The following ADD2 variants were observed in gnomAD, a reference collection of about 807,000 sequenced individuals.
The protein encoded by ADD2 is adducin 2.
In ADD2, 23 loss-of-function variants were observed where a neutral mutation model predicts 83.0. That is an observed-to-expected ratio of 0.28 (90% CI 0.20 to 0.39). ADD2 has a LOEUF of 0.39. ADD2 is among the 10% of genes least tolerant of loss of function. The pLI, the probability that ADD2 is intolerant of heterozygous loss-of-function variation, is 1.00. For missense variants in ADD2, 758 were observed against 944.9 expected (o/e 0.80, Z 2.59); for synonymous variants, 375 against 375.4 (o/e 1.00, Z 0.01).
chr2:70,745,143 G>A (rs1172167200), intron 1 of ADD2, among the ~76,000 whole-genome samples: 3 of 151,994 alleles, frequency 2.0e-5, no homozygotes, highest in Admixed American at 1.3e-4. Context: ...AAAATTAGCC[G>A]GGCGTGGTGG....
intron 1 of ADD2, among the ~76,000 whole-genome samples, chr2:70,713,828 G>C (rs1323209612): frequency 6.6e-6 from 1 of 151,984 alleles, no homozygotes; most frequent in Non-Finnish European, 1.5e-5. Context: ...CCCTTCCTGA[G>C]ACCCCCAAAA....
In ADD2 at chr2:70,706,583, G is replaced by A; in HGVS notation, c.-34-141C>T. ...GGATGGTAGAGGCAGAGCCTGGGGAGGAGGGCAGGACGCCAGCAGCGGCCC... is the reference window on the plus strand; with the variant it reads ...GGATGGTAGAGGCAGAGCCTGGGGAAGAGGGCAGGACGCCAGCAGCGGCCC... On this transcript the variant is annotated intron_variant, in intron 2 of 15. Transcript: ENST00000264436. This position sits in a 1 kb window ranked among gnomAD's most constrained non-coding sequence, Gnocchi z 5.0. The A allele has an allele frequency of 7.9e-6, 6 of 760,776 alleles. No homozygotes were observed. The highest frequency in any genetic ancestry group is 1.2e-5 in the Non-Finnish European group (6 of 497,250). 47.1% of individuals were successfully genotyped at this position (760,776 alleles called of 1,614,324 possible).
chr2:70,692,547 C>T lies in ADD2; in HGVS notation c.561G>A (p.Lys187=). Reference sequence around the variant, plus strand: ...CCACCACCTCTCCCAGAATGTTCACCTTGATCTGCGCCAGGGAAGAAGAGA... The same window carrying T: ...CCACCACCTCTCCCAGAATGTTCACTTTGATCTGCGCCAGGGAAGAAGAGA... ...CSEVTASSLI[K]VNILGEVVEK... Residue 187 remains lysine, a synonymous_variant, in exon 7 of 16, where the codon AAG becomes AAA. Coordinates refer to ENST00000264436, the MANE Select transcript of ADD2 (RefSeq NM_001617.4). 3.1e-6 allele frequency: 5 copies of T among 1,603,156 alleles called. No homozygotes were observed. The highest frequency in any genetic ancestry group is 4.3e-6 in the Non-Finnish European group (5 of 1,175,290).
At chr2:70,723,691 G>T (rs1672842027) in intron 1 of ADD2, among the ~76,000 whole-genome samples, 1 of 152,134 alleles carries the variant, frequency 6.6e-6, no homozygotes. Context: ...TGGGTTACAG[G>T]TTTTTTCAGC....
chr2:70,760,190 A>G (rs868987544), intron 1 of ADD2, among the ~76,000 whole-genome samples: 1 of 152,234 alleles, frequency 6.6e-6, no homozygotes, highest in Non-Finnish European at 1.5e-5. Context: ...ATTTAGGTCC[A>G]TGGTGCCATC....
At chr2:70,732,287 T>G (rs185363262) in intron 1 of ADD2, among the ~76,000 whole-genome samples, 3 of 152,120 alleles carry the variant, frequency 2.0e-5, no homozygotes, top group African/African-American at 7.2e-5. Flanking sequence ...GCAACACTCC[T>G]TCCTAAAGCT....
intron 1 of ADD2, among the ~76,000 whole-genome samples, chr2:70,718,799 G>A (rs1553376862): frequency 6.6e-6 from 1 of 152,184 alleles, no homozygotes. Flanking sequence ...TAGTTCCAGA[G>A]CCTGTTCTCC....
At chr2:70,744,400 T>C (rs1674075252) in intron 1 of ADD2, among the ~76,000 whole-genome samples, 1 of 152,232 alleles carries the variant, frequency 6.6e-6, no homozygotes, top group South Asian at 2.1e-4. Context: ...TTGTGTGTTA[T>C]GTGTTTGTAT....
At chr2:70,733,111 T>C (rs1172918052) in intron 1 of ADD2, among the ~76,000 whole-genome samples, 2 of 152,192 alleles carry the variant, frequency 1.3e-5, no homozygotes, top group Non-Finnish European at 1.5e-5. Flanking sequence ...TTGAACAAAT[T>C]AGCTACTTTT....
At chr2:70,690,749 C>T in intron 8 of ADD2, 37 bp downstream of exon 8, 1 of 1,585,744 alleles carries the variant, frequency 6.3e-7, no homozygotes, top group Non-Finnish European at 8.6e-7. Context: ...TTTGACAATG[C>T]CACTCTAGAT....
chr2:70,675,068 T>G (rs1325793604), intron 13 of ADD2: 6 of 1,257,582 alleles, frequency 4.8e-6, no homozygotes, highest in Non-Finnish European at 6.0e-6. Flanking sequence ...GCCCCTGAAA[T>G]AAAATCAAAG....
Position 70,767,560 on chromosome 2 carries a change from C to A in ADD2, c.-154+326G>T, listed in dbSNP as rs1480824370. 4 of 1,067,554 alleles carry A rather than the reference C, an allele frequency of 3.7e-6. No homozygotes were observed. The Admixed American group carries it at 1.8e-4, about 48-fold the overall frequency. 66.1% of individuals were successfully genotyped at this position (1,067,554 alleles called of 1,614,324 possible). On this transcript the variant is annotated intron_variant, in intron 1 of 15. Transcript: ENST00000264436. ...AGCGGCCCCGCCCGGCTAGGCGAGG[C>A]GAGGCTTGCCGCCCCTCCATTCGGA...
At chr2:70,767,497 G>T (rs1286653088) in intron 1 of ADD2, 1 of 410,744 alleles carries the variant, frequency 2.4e-6, no homozygotes, top group Non-Finnish European at 3.4e-6. Flanking sequence ...GGCCGAGCGG[G>T]AAGGAAAGAG....
chr2:70,692,436 G>A lies in ADD2; in HGVS notation c.672C>T (p.Cys224=), dbSNP rs1671090559. 3.1e-6 allele frequency: 5 copies of A among 1,605,938 alleles called. No individual in the cohort carries two copies. Among genetic ancestry groups the A allele is most frequent in the African/African-American group, 1.3e-5 (1 of 74,840 alleles). The part of the protein sequence containing the change: ...AIYAARPDVR[C]IIHLHTPATA... The stretch of plus-strand genomic sequence containing the variant: ...TGGCCGGTGTGTGCAGGTGGATGAT[G>A]CAGCGCACGTCGGGCCTCGCTGCAT... Residue 224 remains cysteine, a synonymous_variant, in exon 7 of 16, where the codon TGC becomes TGT. Coordinates refer to ENST00000264436, the MANE Select transcript of ADD2 (RefSeq NM_001617.4).
At chr2:70,677,982 C>A (rs1670260953) in intron 11 of ADD2, 105 bp from the exon 12 acceptor site, 1 of 1,476,324 alleles carries the variant, frequency 6.8e-7, no homozygotes, top group Non-Finnish European at 9.3e-7. Flanking sequence ...CATGGAAGGT[C>A]AGCAAGCCTA....
intron 1 of ADD2, among the ~76,000 whole-genome samples, chr2:70,754,865 A>G (rs1448753278): frequency 1.3e-5 from 2 of 152,020 alleles, no homozygotes; most frequent in East Asian, 1.9e-4. Flanking sequence ...ATTCTCCAAC[A>G]TCTCTGATAC....
intron 1 of ADD2, among the ~76,000 whole-genome samples, chr2:70,735,204 A>C (rs1187745065): frequency 6.6e-6 from 1 of 152,102 alleles, no homozygotes; most frequent in Non-Finnish European, 1.5e-5. Context: ...TGAGACACCC[A>C]AACAGAGAAA....
intron 1 of ADD2, among the ~76,000 whole-genome samples, chr2:70,762,088 A>G (rs1675140938): frequency 1.3e-5 from 2 of 151,950 alleles, no homozygotes; most frequent in Admixed American, 1.3e-4. Flanking sequence ...AAGGGGGTGG[A>G]AAAATAGCTT....
At chr2:70,761,416 C>A (rs1269862396) in intron 1 of ADD2, among the ~76,000 whole-genome samples, 3 of 151,566 alleles carry the variant, frequency 2.0e-5, no homozygotes, top group Non-Finnish European at 4.4e-5. Flanking sequence ...TGAGACCTGC[C>A]TGGCCAACAT....
Sources: allele counts gnomAD v4.1 joint callset (sites outside exome capture counted in the v4.1 genomes callset), GRCh38; gene constraint gnomAD v4.1.1; non-coding constraint Gnocchi (gnomAD v3.1); transcripts MANE v1.5; gene names NCBI Gene and HGNC (gene_info 2026-07-23, HGNC 2026-07-21).